HECW2: variants seen among roughly 807,000 people sequenced by gnomAD.
The protein encoded by HECW2 is E3 ubiquitin-protein ligase HECW2.
Under a neutral mutation model 175.2 loss-of-function variants are expected in HECW2, and 61 were observed. That is an observed-to-expected ratio of 0.35 (90% CI 0.28 to 0.43). The LOEUF is 0.43. HECW2 is among the 20% of genes least tolerant of loss of function. HECW2 has a pLI of 1.00. For missense variants in HECW2, 1,524 were observed against 2,000.5 expected (o/e 0.76, Z 4.54); for synonymous variants, 671 against 731.0 (o/e 0.92, Z 1.32).
chr2:196,529,472 T>C (rs868205885), intron 1 of HECW2, among the ~76,000 whole-genome samples: 1 of 152,228 alleles, frequency 6.6e-6, no homozygotes, highest in Non-Finnish European at 1.5e-5. Flanking sequence ...TGAACCTTAC[T>C]TCTTCATCTG....
intron 2 of HECW2, among the ~76,000 whole-genome samples, chr2:196,427,291 T>C (rs528228441): frequency 1.4e-5 from 2 of 140,916 alleles, no homozygotes; most frequent in East Asian, 4.3e-4. Flanking sequence ...TATACACTTT[T>C]ACATTTTCGT....
chr2:196,257,400 A>T (rs562241660), intron 18 of HECW2, among the ~76,000 whole-genome samples: 3 of 150,770 alleles, frequency 2.0e-5, no homozygotes, highest in Admixed American at 6.7e-5. Context: ...CAAAACCACA[A>T]GGTAAATAAA....
At chr2:196,367,247 T>C (rs1693768381) in intron 2 of HECW2, among the ~76,000 whole-genome samples, 2 of 152,230 alleles carry the variant, frequency 1.3e-5, no homozygotes, top group Non-Finnish European at 1.5e-5. Flanking sequence ...CTTAGAATCA[T>C]CTGGGACTCA....
chr2:196,273,349 G>T (rs113822071), intron 16 of HECW2, among the ~76,000 whole-genome samples: 2 of 152,118 alleles, frequency 1.3e-5, no homozygotes, highest in African/African-American at 4.8e-5. Flanking sequence ...TTACAGGCGT[G>T]AGCCACTGCG....
At chr2:196,279,240 G>A (rs1023773509) in intron 14 of HECW2, among the ~76,000 whole-genome samples, 2 of 152,058 alleles carry the variant, frequency 1.3e-5, no homozygotes, top group African/African-American at 2.4e-5. Flanking sequence ...AGTAGAGACG[G>A]GGTTTCACTG....
At chr2:196,266,176 A>G (rs1245165675) in intron 17 of HECW2, among the ~76,000 whole-genome samples, 1 of 151,298 alleles carries the variant, frequency 6.6e-6, no homozygotes, top group Non-Finnish European at 1.5e-5. Flanking sequence ...ATTAAAAAAA[A>G]AAAAAAAAAA....
At chr2:196,449,068 C>T (rs1445169584) in intron 1 of HECW2, among the ~76,000 whole-genome samples, 1 of 152,052 alleles carries the variant, frequency 6.6e-6, no homozygotes, top group Non-Finnish European at 1.5e-5. Flanking sequence ...GTCCGTGGCA[C>T]CTGGTTATGT....
intron 21 of HECW2, among the ~76,000 whole-genome samples, chr2:196,236,002 C>T (rs1394678309): frequency 6.6e-6 from 1 of 152,098 alleles, no homozygotes; most frequent in East Asian, 1.9e-4. Context: ...TATGCTTTAG[C>T]TAATCTACTG....
intron 15 of HECW2, among the ~76,000 whole-genome samples, chr2:196,275,501 C>A (rs1689911898): frequency 6.6e-6 from 1 of 152,074 alleles, no homozygotes; most frequent in Admixed American, 6.5e-5. Flanking sequence ...CACCTATAAT[C>A]CCAGCACTTT....
intron 13 of HECW2, among the ~76,000 whole-genome samples, chr2:196,297,443 A>T (rs1396162597): frequency 6.6e-6 from 1 of 152,226 alleles, no homozygotes; most frequent in Non-Finnish European, 1.5e-5. Flanking sequence ...TGTCATTGCC[A>T]TTTGGCAGCA....
intron 1 of HECW2, among the ~76,000 whole-genome samples, chr2:196,448,396 C>A (rs1053776950): frequency 8.5e-5 from 13 of 152,222 alleles, no homozygotes; most frequent in African/African-American, 3.1e-4. Context: ...CTGAGACCTA[C>A]TCTGAGGTCT....
chr2:196,312,649 C>T (rs1691543108), intron 10 of HECW2, among the ~76,000 whole-genome samples: 1 of 152,110 alleles, frequency 6.6e-6, no homozygotes, highest in Non-Finnish European at 1.5e-5. Flanking sequence ...GATGGCGTGG[C>T]CTGCCATGTA....
chr2:196,410,301 T>C (rs1695075070), intron 2 of HECW2, among the ~76,000 whole-genome samples: 1 of 152,222 alleles, frequency 6.6e-6, no homozygotes, highest in African/African-American at 2.4e-5. Context: ...CATTTTGACA[T>C]AATCCTAAAA....
At chr2:196,462,947 G>T (rs1306104278) in intron 1 of HECW2, among the ~76,000 whole-genome samples, 1 of 152,196 alleles carries the variant, frequency 6.6e-6, no homozygotes, top group Admixed American at 6.5e-5. Context: ...CAAGAGAGAA[G>T]TGCCCTCCAC....
chr2:196,254,904 C>T (rs116780097), intron 18 of HECW2, among the ~76,000 whole-genome samples: 5 of 151,572 alleles, frequency 3.3e-5, no homozygotes, highest in Non-Finnish European at 7.4e-5. Flanking sequence ...TTTTCATAAC[C>T]TTTATCCATT....
At chr2:196,241,238 TGACAGCTGGATCATCCTA>T (rs1301571760) in intron 20 of HECW2, among the ~76,000 whole-genome samples, 6 of 152,228 alleles carry the variant, frequency 3.9e-5, no homozygotes, top group Admixed American at 6.5e-5. Flanking sequence ...GCTGAATGCA[TGACAGCTGGATCATCCTA>T]GACCTTTGTA....
Position 196,555,521 on chromosome 2 carries a change from T to C in HECW2, c.-36+37987A>G, listed in dbSNP as rs139827623. ...CACTCAGATCATAGCACATAGGTCC[T>C]ATCAAAACATCTTGCTGCATAAAAG... On this transcript the variant is annotated intron_variant, in intron 1 of 28. Coordinates refer to ENST00000644978, the MANE Select transcript of HECW2 (RefSeq NM_001348768.2). 5.4e-3 allele frequency among the ~76,000 whole-genome samples: 821 copies of C among 152,336 alleles called. 6 individuals carry two copies. Among genetic ancestry groups the C allele is most frequent in the Admixed American group, 9.0e-3 (137 of 15,306 alleles).
chr2:196,276,719 C>G (rs1689971061), intron 15 of HECW2, among the ~76,000 whole-genome samples: 1 of 152,184 alleles, frequency 6.6e-6, no homozygotes, highest in Non-Finnish European at 1.5e-5. Context: ...ACTCATAAAA[C>G]AGAAAAATTT....
chr2:196,514,145 C>T (rs1192569711), intron 1 of HECW2, among the ~76,000 whole-genome samples: 1 of 152,240 alleles, frequency 6.6e-6, no homozygotes, highest in Non-Finnish European at 1.5e-5. Flanking sequence ...ACCCCATAGT[C>T]TCAGAAGTAC....
Sources: gnomAD v4.1 joint callset for allele counts (sites outside exome capture counted in the v4.1 genomes callset) on GRCh38, gnomAD v4.1.1 for gene constraint, MANE v1.5 for transcripts, NCBI Gene and HGNC (gene_info 2026-07-23, HGNC 2026-07-21) for gene names.